The following BMPR1B variants were observed in gnomAD, a reference collection of about 807,000 sequenced individuals.
BMPR1B encodes the protein bone morphogenetic protein receptor type-1B.
In BMPR1B, 12 loss-of-function variants were observed where a neutral mutation model predicts 59.1. That is an observed-to-expected ratio of 0.20 (90% confidence interval 0.13 to 0.33). The LOEUF is 0.33. Among genes scored for constraint, BMPR1B ranks in the 10% least tolerant of loss-of-function variants. BMPR1B has a pLI of 1.00. For missense variants in BMPR1B, 550 were observed against 610.9 expected, an observed-to-expected ratio of 0.90 and a Z score of 1.05; for synonymous variants, 237 against 207.3, an observed-to-expected ratio of 1.14 and a Z score of -1.23.
chr4:95,139,884 G>A (rs180849903), intron 10 of BMPR1B, among the ~76,000 whole-genome samples: 4 of 152,182 alleles, frequency 2.6e-5, no homozygotes, highest in Admixed American at 2.6e-4. Flanking sequence ...TGCGCTTGCC[G>A]GGTGAGGCGA....
intron 3 of BMPR1B, among the ~76,000 whole-genome samples, chr4:95,053,435 A>G (rs1342243047): frequency 6.6e-6 from 1 of 152,110 alleles, no homozygotes; most frequent in Non-Finnish European, 1.5e-5. Context: ...CACTAGTTGT[A>G]TGAACTCAAA....
chr4:95,057,108 G>T (rs1397359455), intron 3 of BMPR1B, among the ~76,000 whole-genome samples: 2 of 152,196 alleles, frequency 1.3e-5, no homozygotes, highest in Non-Finnish European at 2.9e-5. Flanking sequence ...TGTCTTGAGT[G>T]TATAGCACAG....
At chr4:94,874,123 T>TTA (rs958976738) in intron 1 of BMPR1B, among the ~76,000 whole-genome samples, 4 of 152,244 alleles carry the variant, frequency 2.6e-5, no homozygotes, top group Non-Finnish European at 4.4e-5. Flanking sequence ...GCTAAATATT[T>TTA]TATATATATA....
At chr4:94,942,612 C>A (rs1028842931) in intron 2 of BMPR1B, among the ~76,000 whole-genome samples, 4 of 152,144 alleles carry the variant, frequency 2.6e-5, no homozygotes, top group African/African-American at 9.7e-5. Flanking sequence ...TGAAATATAT[C>A]ATTTTCAAAT....
intron 2 of BMPR1B, among the ~76,000 whole-genome samples, chr4:94,946,864 A>T (rs978175328): frequency 1.3e-5 from 2 of 152,162 alleles, no homozygotes; most frequent in Non-Finnish European, 2.9e-5. Flanking sequence ...CAGCCTGGGC[A>T]ACATGGTGAA....
At chr4:94,941,844 A>T (rs935110565) in intron 2 of BMPR1B, among the ~76,000 whole-genome samples, 40 of 152,340 alleles carry the variant, frequency 2.6e-4, no homozygotes, top group African/African-American at 8.7e-4. Flanking sequence ...TTATGTGCAA[A>T]TTCCCTTGCT....
In BMPR1B at chr4:95,012,583, GCTT is replaced by G. The variant is rs745872296; in HGVS notation, c.-18+16453_-18+16455del. ...ACTTTGATGTAAATGTACCTATGCT[GCTT>G]CTTATTAATACTGATTTTGAATTAA... On this transcript the variant is annotated intron_variant, in intron 3 of 12. Transcript: ENST00000515059. Among the ~76,000 whole-genome samples the G allele has an allele frequency of 4.6e-5, 7 of 152,078 alleles. No homozygotes were observed. In the East Asian group the frequency reaches 5.8e-4, roughly 13 times the overall value.
chr4:95,082,123 TCCCTCCC>T (rs1485330373), intron 3 of BMPR1B, among the ~76,000 whole-genome samples: 1 of 118,058 alleles, frequency 8.5e-6, no homozygotes, highest in Non-Finnish European at 1.7e-5. Flanking sequence ...CCTAATGCTA[TCCCTCCC>T]CCCTCCCCCC....
intron 3 of BMPR1B, among the ~76,000 whole-genome samples, chr4:95,048,142 A>G (rs974449952): frequency 6.6e-6 from 1 of 151,812 alleles, no homozygotes; most frequent in Non-Finnish European, 1.5e-5. Flanking sequence ...TTTTTATTAC[A>G]CTGTAGTATT....
chr4:95,131,345 G>A lies in BMPR1B; in HGVS notation c.909G>A (p.Lys303=), dbSNP rs373401690. The change falls in exon 10 of 13, where the codon AAG becomes AAA. Residue 303 remains lysine, a synonymous_variant. Transcript: ENST00000515059. ...CCCTAGACGCTAAATCAATGCTGAA[G>A]TTAGCCTACTCTTCTGTCAGTGGCT... ...STTLDAKSML[K]LAYSSVSGLC... 2.4e-5 allele frequency: 38 copies of A among 1,613,864 alleles called. No individual in the cohort carries two copies. In the African/African-American group the frequency reaches 4.7e-4, roughly 20 times the overall value.
At chr4:94,944,467 A>G (rs1729631838) in intron 2 of BMPR1B, among the ~76,000 whole-genome samples, 1 of 152,204 alleles carries the variant, frequency 6.6e-6, no homozygotes, top group African/African-American at 2.4e-5. Flanking sequence ...AAAATCAATA[A>G]TGCATTATTG....
At chr4:95,093,516 A>G (rs1189982821) in intron 3 of BMPR1B, among the ~76,000 whole-genome samples, 2 of 152,000 alleles carry the variant, frequency 1.3e-5, no homozygotes, top group Non-Finnish European at 2.9e-5. Context: ...GTTGACTTGT[A>G]TGTCATATTT....
intron 3 of BMPR1B, among the ~76,000 whole-genome samples, chr4:95,096,919 ATATT>A (rs1173997938): frequency 2.8e-5 from 4 of 142,630 alleles, no homozygotes; most frequent in East Asian, 2.0e-4. Flanking sequence ...ATTTAAATAT[ATATT>A]AAATCAAATT....
intron 2 of BMPR1B, among the ~76,000 whole-genome samples, chr4:94,884,007 C>T (rs1209172241): frequency 1.3e-5 from 2 of 152,198 alleles, no homozygotes; most frequent in Non-Finnish European, 2.9e-5. Flanking sequence ...AGGGCACTAT[C>T]ATCTTTTGCT....
intron 1 of BMPR1B, among the ~76,000 whole-genome samples, chr4:94,808,761 A>T (rs1485243254): frequency 6.6e-6 from 1 of 152,176 alleles, no homozygotes; most frequent in African/African-American, 2.4e-5. Context: ...ACTAATAATT[A>T]AAAAAGTTTT....
intron 3 of BMPR1B, among the ~76,000 whole-genome samples, chr4:95,104,077 A>G (rs1342235067): frequency 2.0e-5 from 3 of 151,732 alleles, no homozygotes; most frequent in Non-Finnish European, 2.9e-5. Flanking sequence ...AATGAGGATG[A>G]TAGTGTTTAC....
chr4:94,948,742 A>G (rs547076738), intron 2 of BMPR1B, among the ~76,000 whole-genome samples: 1 of 152,280 alleles, frequency 6.6e-6, no homozygotes, highest in African/African-American at 2.4e-5. Flanking sequence ...TGGGTGGACA[A>G]CAGAATCGCC....
chr4:94,807,086 T>C (rs1723633991), intron 1 of BMPR1B, among the ~76,000 whole-genome samples: 1 of 152,302 alleles, frequency 6.6e-6, no homozygotes, highest in East Asian at 1.9e-4. Context: ...TTATTATAAA[T>C]GCTTGTGTCC....
chr4:95,041,445 G>A (rs1171521610), intron 3 of BMPR1B, among the ~76,000 whole-genome samples: 1 of 152,118 alleles, frequency 6.6e-6, no homozygotes, highest in Non-Finnish European at 1.5e-5. Context: ...CACTGCTGTT[G>A]CATGACACAG....
Sources: gnomAD v4.1 joint callset for allele counts (sites outside exome capture counted in the v4.1 genomes callset) on GRCh38, gnomAD v4.1.1 for gene constraint, MANE v1.5 for transcripts, NCBI Gene and HGNC (gene_info 2026-07-23, HGNC 2026-07-21) for gene names.